The following NKAIN3 variants were observed in gnomAD, a reference collection of about 807,000 sequenced individuals.
NKAIN3 encodes sodium/potassium transporting ATPase interacting 3.
In NKAIN3, 25 loss-of-function variants were observed where a neutral mutation model predicts 30.2. That is an observed-to-expected ratio of 0.83 (90% CI 0.60 to 1.16). The LOEUF (loss-of-function observed/expected upper bound fraction) is 1.16. Among genes scored for constraint, NKAIN3 ranks in the 50% most tolerant of loss-of-function variants. The pLI, the probability that NKAIN3 is intolerant of heterozygous loss-of-function variation, is 0.00. For synonymous variants in NKAIN3, 91 were observed against 89.6 expected, an observed-to-expected ratio of 1.02 and a Z score of -0.09; for missense variants, 225 against 254.1, an observed-to-expected ratio of 0.89 and a Z score of 0.78.
intron 1 of NKAIN3, among the ~76,000 whole-genome samples, chr8:62,512,820 C>G (rs1277376179): frequency 1.3e-5 from 2 of 152,142 alleles, no homozygotes; most frequent in South Asian, 2.1e-4. Context: ...CTCATCCTGC[C>G]TTTCCTTTCT....
At chr8:62,918,989 CAAA>C (rs553688723) in intron 5 of NKAIN3, among the ~76,000 whole-genome samples, 1 of 129,504 alleles carries the variant, frequency 7.7e-6, no homozygotes. Flanking sequence ...AGATGAGATG[CAAA>C]AAAAAAAAAA....
chr8:62,454,434 T>C (rs1282353458), intron 1 of NKAIN3, among the ~76,000 whole-genome samples: 2 of 152,062 alleles, frequency 1.3e-5, no homozygotes, highest in East Asian at 3.8e-4. Flanking sequence ...TTGGACAAGC[T>C]TGTATTATAC....
intron 1 of NKAIN3, among the ~76,000 whole-genome samples, chr8:62,460,998 T>C (rs1475538491): frequency 6.6e-6 from 1 of 152,194 alleles, no homozygotes; most frequent in East Asian, 1.9e-4. Context: ...TACACAGGTA[T>C]AAGGCTGAGT....
intron 5 of NKAIN3, chr8:62,999,151 T>C (rs1005589988): frequency 3.9e-5 from 6 of 152,186 alleles, no homozygotes; most frequent in Non-Finnish European, 7.3e-5. Flanking sequence ...TAGTCTGTTT[T>C]GTATTGTTAT....
At chr8:62,447,284 T>C (rs1805514181) in intron 1 of NKAIN3, among the ~76,000 whole-genome samples, 1 of 152,062 alleles carries the variant, frequency 6.6e-6, no homozygotes, top group Non-Finnish European at 1.5e-5. Context: ...TTTGAAAATA[T>C]TGTATTTAAT....
rs1046809804 is a variant in NKAIN3, at chr8:62,981,345, A to G, written c.*15938A>G. ...TATTAATAGCACCCGTGATAACTGT[A>G]ATAAGAATATGTCTCGTTTTCTTTT... On this transcript the variant is annotated 3_prime_UTR_variant, in exon 7 of 7. Transcript: ENST00000623646. 6.6e-6 allele frequency: 1 copy of G among 152,208 alleles called. No individual in the cohort carries two copies. The highest frequency in any genetic ancestry group is 6.5e-5 in the Admixed American group (1 of 15,274). 9.4% of individuals were successfully genotyped at this position (152,208 alleles called of 1,614,324 possible). A position where few individuals can be genotyped will look rare whatever the true frequency, so the allele number is the denominator to read the frequency against.
At chr8:62,846,319 A>G (rs1819687497) in intron 4 of NKAIN3, among the ~76,000 whole-genome samples, 1 of 151,910 alleles carries the variant, frequency 6.6e-6, no homozygotes, top group South Asian at 2.1e-4. Context: ...GATTTTTTTT[A>G]TTTCCAACTT....
At chr8:62,770,903 G>T (rs992292585) in intron 4 of NKAIN3, among the ~76,000 whole-genome samples, 3 of 151,956 alleles carry the variant, frequency 2.0e-5, no homozygotes, top group Non-Finnish European at 4.4e-5. Context: ...GGTGGGCGGG[G>T]GGTGGAGGGA....
At chr8:62,992,887 C>G (rs867917420) in intron 5 of NKAIN3, among the ~76,000 whole-genome samples, 18 of 152,126 alleles carry the variant, frequency 1.2e-4, no homozygotes, top group African/African-American at 3.6e-4. Context: ...TAAGAGCAAT[C>G]TGTCATCAGA....
chr8:62,582,741 C>T (rs1274374909), intron 2 of NKAIN3, among the ~76,000 whole-genome samples: 1 of 152,176 alleles, frequency 6.6e-6, no homozygotes, highest in Non-Finnish European at 1.5e-5. Context: ...ATGTCAGAGG[C>T]CCTGCTCTGC....
intron 4 of NKAIN3, among the ~76,000 whole-genome samples, chr8:62,784,532 CA>C (rs1477270912): frequency 6.6e-6 from 1 of 151,444 alleles, no homozygotes; most frequent in Non-Finnish European, 1.5e-5. Flanking sequence ...GACAAACTAC[CA>C]AAAAATGGAC....
chr8:62,542,844 C>T (rs13256147), intron 1 of NKAIN3, among the ~76,000 whole-genome samples: 29,964 of 152,042 alleles, frequency 0.2, 3,534 homozygotes, highest in Non-Finnish European at 0.28. Flanking sequence ...ATTTGTTTTT[C>T]CCACATGCAT....
chr8:62,966,238 T>C lies in NKAIN3; in HGVS notation c.*831T>C. 1 of 985,184 alleles carries C rather than the reference T, an allele frequency of 1.0e-6. No individual in the cohort carries two copies. Among genetic ancestry groups the C allele is most frequent in the Non-Finnish European group, 1.2e-6 (1 of 829,772 alleles). 61.0% of individuals were successfully genotyped at this position (985,184 alleles called of 1,614,324 possible). A position where few individuals can be genotyped will look rare whatever the true frequency, so the allele number is the denominator to read the frequency against. The stretch of plus-strand genomic sequence containing the variant: ...ATAGACCTGCAGTCAGGAACTTTTC[T>C]CTTAGGATATTCAAAAGAAGCCTGA... On this transcript the variant is annotated 3_prime_UTR_variant, in exon 7 of 7. Transcript: ENST00000623646.
intron 1 of NKAIN3, among the ~76,000 whole-genome samples, chr8:62,259,721 G>A (rs1437313890): frequency 6.6e-6 from 1 of 152,126 alleles, no homozygotes; most frequent in Non-Finnish European, 1.5e-5. Flanking sequence ...GATGAGCATA[G>A]TTATAAACAA....
At chr8:62,790,340 C>T (rs1817664476) in intron 4 of NKAIN3, among the ~76,000 whole-genome samples, 1 of 152,078 alleles carries the variant, frequency 6.6e-6, no homozygotes. Context: ...CTATGACAAA[C>T]CCACAGCCAA....
intron 4 of NKAIN3, chr8:62,856,732 G>C: frequency 2.9e-6 from 2 of 695,496 alleles, no homozygotes; most frequent in South Asian, 1.6e-5. Flanking sequence ...CCCTTAAACT[G>C]GTCAAGCTCT....
At chr8:62,469,895 G>A (rs1467073853) in intron 1 of NKAIN3, among the ~76,000 whole-genome samples, 1 of 152,126 alleles carries the variant, frequency 6.6e-6, no homozygotes, top group Non-Finnish European at 1.5e-5. Flanking sequence ...CTTACTGTGT[G>A]GTTCACACAT....
rs1289236255 is a variant in NKAIN3 at position 62,981,125 on chromosome 8, T to C, written c.*15718T>C. On this transcript the variant is annotated 3_prime_UTR_variant, in exon 7 of 7. Transcript: ENST00000623646. ...GAAGATAACTCCTGGTCCCATTTTA[T>C]TCTTTCCTCATTTGTTCAGTGCTCA... 1 of 152,252 alleles carries C rather than the reference T, an allele frequency of 6.6e-6. No individual in the cohort carries two copies. Among genetic ancestry groups the C allele is most frequent in the African/African-American group, 2.4e-5 (1 of 41,466 alleles). The allele number at this position is 152,252 out of a possible 1,614,324, so 9.4% of individuals were successfully genotyped here.
chr8:62,695,350 A>G lies in NKAIN3; in HGVS notation c.274-51582A>G, dbSNP rs970041118. 7.9e-5 allele frequency among the ~76,000 whole-genome samples: 12 copies of G among 152,344 alleles called. No homozygotes were observed. In the East Asian group the frequency reaches 2.3e-3, roughly 29 times the overall value. On this transcript the variant is annotated intron_variant, in intron 3 of 6. Coordinates refer to ENST00000623646, the MANE Select transcript of NKAIN3 (RefSeq NM_001304533.3). ...TATGGAAGCAAAGCTTTAAGAAAATAAATATAGGAACAGCATGGAAAGTGA... is the reference window on the plus strand; with the variant it reads ...TATGGAAGCAAAGCTTTAAGAAAATGAATATAGGAACAGCATGGAAAGTGA...
Sources: gnomAD v4.1 joint callset for allele counts (sites outside exome capture counted in the v4.1 genomes callset) on GRCh38, gnomAD v4.1.1 for gene constraint, MANE v1.5 for transcripts, NCBI Gene and HGNC (gene_info 2026-07-23, HGNC 2026-07-21) for gene names.